Variants in GPD2 observed in about 807,000 individuals in gnomAD.
The protein encoded by GPD2 is glycerol-3-phosphate dehydrogenase 2.
GPD2 carries 54 observed loss-of-function variants against 82.4 expected under a neutral mutation model. The observed-to-expected ratio is 0.66, with a 90% confidence interval of 0.53 to 0.82. The LOEUF (loss-of-function observed/expected upper bound fraction) is 0.82. Among genes scored for constraint, GPD2 ranks in the 40% least tolerant of loss-of-function variants. The probability of loss-of-function intolerance (pLI) is 0.00; values close to 1 mark genes in which losing one functional copy is unlikely to be tolerated. For missense variants in GPD2, 748 were observed against 896.2 expected (o/e 0.83, Z 2.11); for synonymous variants, 288 against 306.1 (o/e 0.94, Z 0.62).
At chr2:156,484,380 G>A (rs1433747222) in intron 2 of GPD2, among the ~76,000 whole-genome samples, 3 of 151,934 alleles carry the variant, frequency 2.0e-5, no homozygotes, top group East Asian at 1.9e-4. Context: ...AGGGTGATCC[G>A]CCCGCCTCGG....
At chr2:156,442,173 C>G (rs530132903) in intron 1 of GPD2, among the ~76,000 whole-genome samples, 1 of 152,224 alleles carries the variant, frequency 6.6e-6, no homozygotes, top group South Asian at 2.1e-4. Flanking sequence ...ACCTGACAAG[C>G]TATGACAGAG....
chr2:156,490,559 G>T (rs1684138431), intron 2 of GPD2, among the ~76,000 whole-genome samples: 1 of 152,066 alleles, frequency 6.6e-6, no homozygotes, highest in South Asian at 2.1e-4. Flanking sequence ...TTGGCAGCTG[G>T]TCATATCTCA....
intron 15 of GPD2, among the ~76,000 whole-genome samples, chr2:156,579,410 C>A (rs911859286): frequency 6.7e-6 from 1 of 149,946 alleles, no homozygotes; most frequent in Admixed American, 6.7e-5. Flanking sequence ...CTCACTGTAA[C>A]CTCCTCCTCC....
chr2:156,495,289 G>T (rs558726796), intron 2 of GPD2, among the ~76,000 whole-genome samples: 1 of 152,160 alleles, frequency 6.6e-6, no homozygotes, highest in South Asian at 2.1e-4. Context: ...GGATGAGGTT[G>T]CAGTAAGCTG....
rs1688144010 is a variant in GPD2, at chr2:156,584,472, A to T, written c.*1554A>T. ...TTATTCAAGTGGATTCTGAGCCTGT[A>T]TGTCACAATGTAAACACTGGAGGTT... On this transcript the variant is annotated 3_prime_UTR_variant, in exon 17 of 17. Transcript: ENST00000438166. 1 of 152,430 alleles carries T rather than the reference A, an allele frequency of 6.6e-6. No homozygotes were observed. The highest frequency in any genetic ancestry group is 2.4e-5 in the African/African-American group (1 of 41,422). The allele number at this position is 152,430 out of a possible 1,614,324, so 9.4% of individuals were successfully genotyped here.
At chr2:156,424,360 T>A in the GPD2 span, among the ~76,000 whole-genome samples, 6 of 152,350 alleles carry the variant, frequency 3.9e-5, no homozygotes, top group East Asian at 9.6e-4. Flanking sequence ...CTATTTTAGA[T>A]CATCAGGATA....
rs1361349996 is a variant in GPD2, at chr2:156,540,498, T to C, written c.662-9110T>C. ...AGCAAAACCAAACCATACCAAAACA[T>C]GAGACAGTTATCTGCTATGGAAACA... On this transcript the variant is annotated intron_variant, in intron 6 of 16. Transcript: ENST00000438166. Among the ~76,000 whole-genome samples, 3 of 152,206 alleles carry C rather than the reference T, an allele frequency of 2.0e-5. No individual in the cohort carries two copies. The East Asian group carries it at 5.8e-4, about 29-fold the overall frequency.
intron 6 of GPD2, among the ~76,000 whole-genome samples, chr2:156,514,585 GA>G (rs1454995771): frequency 2.0e-5 from 3 of 151,700 alleles, no homozygotes; most frequent in Non-Finnish European, 4.4e-5. Flanking sequence ...TTACATTTCT[GA>G]ACCAATTCAG....
At chr2:156,411,653 A>G in the GPD2 span, among the ~76,000 whole-genome samples, 1 of 152,196 alleles carries the variant, frequency 6.6e-6, no homozygotes, top group Admixed American at 6.5e-5. Flanking sequence ...CAAAACAGCA[A>G]TGAGAATTTC....
rs1263338401 is a variant in GPD2 at position 156,569,370 on chromosome 2, G to A, written c.1308G>A (p.Lys436=). The A allele has an allele frequency of 8.7e-6, 14 of 1,606,884 alleles. No individual in the cohort carries two copies. Among genetic ancestry groups the A allele is most frequent in the Non-Finnish European group, 1.2e-5 (14 of 1,173,612 alleles). The change falls in exon 11 of 17, where the codon AAG becomes AAA. Residue 436 remains lysine, a synonymous_variant. Coordinates refer to ENST00000438166, the MANE Select transcript of GPD2 (RefSeq NM_000408.5). ...ESGLITIAGG[K]WTTYRSMAED... ...CTATCAATTTCTTTATAGGTGGAAA[G>A]TGGACAACTTATCGGTCTATGGCAG...
chr2:156,429,817 T>G, the GPD2 span, among the ~76,000 whole-genome samples: 1 of 152,180 alleles, frequency 6.6e-6, no homozygotes, highest in Non-Finnish European at 1.5e-5. Context: ...GTGTATCAAG[T>G]AGGTGGAGAT....
At chr2:156,579,052 G>A (rs1432592555) in intron 14 of GPD2, 34 bp from the exon 15 acceptor site, 1 of 1,562,342 alleles carries the variant, frequency 6.4e-7, no homozygotes, top group Non-Finnish European at 8.8e-7. Context: ...GCCTATGTAA[G>A]TATATTTTTC....
chr2:156,573,708 AAC>A (rs1323581033), intron 13 of GPD2, among the ~76,000 whole-genome samples: 1 of 152,190 alleles, frequency 6.6e-6, no homozygotes, highest in African/African-American at 2.4e-5. Flanking sequence ...TTAACAAAGT[AAC>A]ATAAATAAAG....
intron 1 of GPD2, among the ~76,000 whole-genome samples, chr2:156,473,230 T>A (rs1414313439): frequency 6.6e-6 from 1 of 152,228 alleles, no homozygotes; most frequent in Non-Finnish European, 1.5e-5. Flanking sequence ...TTGATTATAG[T>A]TGATATTATT....
intron 1 of GPD2, 62 bp from the exon 2 acceptor site, chr2:156,476,036 T>G (rs1339045461): frequency 2.4e-6 from 2 of 835,718 alleles, no homozygotes; most frequent in Non-Finnish European, 4.2e-6. Context: ...GTCTTATTAT[T>G]GGGATGGTTA....
rs142110307 is a variant in GPD2 at position 156,533,599 on chromosome 2, C to T, written c.662-16009C>T. 8.0e-3 allele frequency among the ~76,000 whole-genome samples: 1,226 copies of T among 152,332 alleles called. 5 individuals carry two copies. Among genetic ancestry groups the T allele is most frequent in the Non-Finnish European group, 0.012 (802 of 68,036 alleles). ...AAGATAAGAGAAAACTTCCTGTCAA[C>T]AGTGCTGAATTTCATGGTGTGTGAT... is the stretch of plus-strand genomic sequence containing the variant. On this transcript the variant is annotated intron_variant, in intron 6 of 16. Coordinates refer to ENST00000438166, the MANE Select transcript of GPD2 (RefSeq NM_000408.5).
rs116216944 is a variant in GPD2 at position 156,578,918 on chromosome 2, A to G, written c.1797A>G (p.Leu599=). The G allele has an allele frequency of 4.2e-5, 68 of 1,608,984 alleles. No individual in the cohort carries two copies. The Admixed American group carries it at 5.3e-4, about 13-fold the overall frequency. ...QEQLETARKF[L]YYEMGYKSRS... ...AACTTGAAACAGCCAGGAAGTTTCTATATTATGAAATGGGCTATAAATCTC... is the reference window on the plus strand; with the variant it reads ...AACTTGAAACAGCCAGGAAGTTTCTGTATTATGAAATGGGCTATAAATCTC... Residue 599 remains leucine (L), a synonymous_variant, in exon 14 of 17, where the codon CTA becomes CTG. Transcript: ENST00000438166.
At chr2:156,432,975 G>C (rs1558895049), upstream of GPD2, among the ~76,000 whole-genome samples, 1 of 151,962 alleles carries the variant, frequency 6.6e-6, no homozygotes, top group Non-Finnish European at 1.5e-5. Flanking sequence ...GGTTGTTCTG[G>C]GCCCCAAATT....
the GPD2 span, among the ~76,000 whole-genome samples, chr2:156,402,341 AGT>A: frequency 1.3e-5 from 2 of 152,240 alleles, no homozygotes; most frequent in East Asian, 1.9e-4. Context: ...AGGACTTCTT[AGT>A]GTGTGGGTAA....
Sources: allele counts gnomAD v4.1 joint callset (sites outside exome capture counted in the v4.1 genomes callset), GRCh38; gene constraint gnomAD v4.1.1; transcripts MANE v1.5; gene names NCBI Gene and HGNC (gene_info 2026-07-23, HGNC 2026-07-21).